The following HDAC1 variants were observed in gnomAD, a reference collection of about 807,000 sequenced individuals.
HDAC1 encodes protein deacetylase HDAC1.
Under a neutral mutation model 65.5 loss-of-function variants are expected in HDAC1, and 18 were observed. That is an observed-to-expected ratio of 0.27 (90% CI 0.19 to 0.41). The LOEUF (loss-of-function observed/expected upper bound fraction) is 0.41, where lower values mean the gene tolerates loss of function less well. Among genes scored for constraint, HDAC1 ranks in the 10% least tolerant of loss-of-function variants. The pLI, the probability that HDAC1 is intolerant of heterozygous loss-of-function variation, is 1.00. For synonymous variants in HDAC1, 211 were observed against 227.9 expected (o/e 0.93, Z 0.67); for missense variants, 373 against 625.2 (o/e 0.60, Z 4.30).
intron 2 of HDAC1, among the ~76,000 whole-genome samples, chr1:32,314,877 T>C (rs1641038692): frequency 6.6e-6 from 1 of 152,130 alleles, no homozygotes; most frequent in Non-Finnish European, 1.5e-5. Context: ...TATTTGATGT[T>C]TGAAGTGTTT....
At chr1:32,297,777 ATTTTTTTTTTTTTTTT>A (rs71571709) in intron 1 of HDAC1, among the ~76,000 whole-genome samples, 3 of 72,154 alleles carry the variant, frequency 4.2e-5, no homozygotes, top group African/African-American at 1.2e-4. Flanking sequence ...CGCCTGGCTA[ATTTTTTTTTTTTTTTT>A]TTTTTTTTTT....
rs1346530306 is a variant in HDAC1 at position 32,329,372 on chromosome 1, T to C, written c.729+212T>C. The C allele has an allele frequency of 5.0e-6, 3 of 599,920 alleles. No homozygotes were observed. Among genetic ancestry groups the C allele is most frequent in the Non-Finnish European group, 8.9e-6 (3 of 336,482 alleles). The allele number at this position is 599,920 out of a possible 1,614,324, so 37.2% of individuals were successfully genotyped here. A position where few individuals can be genotyped will look rare whatever the true frequency, so the allele number is the denominator to read the frequency against. On this transcript the variant is annotated intron_variant, in intron 7 of 13. Transcript: ENST00000373548. This position sits in a 1 kb window ranked among gnomAD's most constrained non-coding sequence, Gnocchi z 4.1. ...TCTATGGGTCAGGTCTTCTGCTGGA[T>C]ACAAAAATATCTAAGACATGATCTT...
At position 32,332,226 on chromosome 1, in the gene HDAC1, C is replaced by T. The variant is rs748966170; in HGVS notation, c.1356C>T (p.Asp452=). 132 of 1,611,664 alleles carry T rather than the reference C, an allele frequency of 8.2e-5. No homozygotes were observed. The highest frequency in any genetic ancestry group is 1.1e-4 in the Non-Finnish European group (128 of 1,179,030). ...AAACAGAGGATGAAAAAGAGAAAGA[C>T]CCAGAGGAGAAGAAAGGTGGGTTTG... is the stretch of plus-strand genomic sequence containing the variant. ...RVKTEDEKEK[D]PEEKKEVTEE... is the part of the protein sequence containing the mutation. Residue 452 remains aspartate, a synonymous_variant, in exon 12 of 14, where the codon GAC becomes GAT. Coordinates refer to ENST00000373548, the MANE Select transcript of HDAC1 (RefSeq NM_004964.3).
Position 32,331,980 on chromosome 1 carries a change from C to T in HDAC1, c.1220-110C>T, listed in dbSNP as rs2148073476. 7.1e-7 allele frequency: 1 copy of T among 1,409,364 alleles called. No individual in the cohort carries two copies. The highest frequency in any genetic ancestry group is 1.5e-5 in the South Asian group (1 of 68,340). The allele number at this position is 1,409,364 out of a possible 1,614,324, so 87.3% of individuals were successfully genotyped here. A position where few individuals can be genotyped will look rare whatever the true frequency, so the allele number is the denominator to read the frequency against. On this transcript the variant is annotated intron_variant, in intron 11 of 13. Coordinates refer to ENST00000373548, the MANE Select transcript of HDAC1 (RefSeq NM_004964.3). The surrounding 1 kb of genome is among the most constrained non-coding windows in gnomAD (Gnocchi z 4.2). ...GCCCGAGTTCCTCCCTCTTCTGGTT[C>T]CCTTTCCCTTGGTGTCTCTTGGAGG...
intron 2 of HDAC1, among the ~76,000 whole-genome samples, chr1:32,309,441 C>T (rs1365711301): frequency 1.3e-5 from 2 of 152,214 alleles, no homozygotes; most frequent in South Asian, 2.1e-4. Flanking sequence ...AATCCCAGCA[C>T]TTTGGGAGGC....
intron 2 of HDAC1, among the ~76,000 whole-genome samples, chr1:32,305,853 GT>G (rs1286986150): frequency 2.0e-5 from 3 of 152,074 alleles, no homozygotes; most frequent in Non-Finnish European, 4.4e-5. Context: ...CAAGTGATCT[GT>G]CCACCTTGGC....
At position 32,330,456 on chromosome 1, in the gene HDAC1, C is replaced by T. The variant is rs1375191542; in HGVS notation, c.730-122C>T. 1 of 737,550 alleles carries T rather than the reference C, an allele frequency of 1.4e-6. No individual in the cohort carries two copies. The highest frequency in any genetic ancestry group is 1.7e-5 in the African/African-American group (1 of 57,964). The allele number at this position is 737,550 out of a possible 1,614,324, so 45.7% of individuals were successfully genotyped here. On this transcript the variant is annotated intron_variant, in intron 7 of 13. Coordinates refer to ENST00000373548, the MANE Select transcript of HDAC1 (RefSeq NM_004964.3). This position sits in a 1 kb window ranked among gnomAD's most constrained non-coding sequence, Gnocchi z 4.2. Reference sequence around the variant, plus strand: ...CAGCCTAGCACTCCCTTTTCTCTCCCACATAGCATGAGGGAGAGTGGAAAG... The same window carrying T: ...CAGCCTAGCACTCCCTTTTCTCTCCTACATAGCATGAGGGAGAGTGGAAAG...
intron 2 of HDAC1, among the ~76,000 whole-genome samples, chr1:32,308,719 C>T (rs1048811685): frequency 2.0e-5 from 3 of 152,048 alleles, no homozygotes; most frequent in Non-Finnish European, 1.5e-5. Context: ...GGGGTTTCCC[C>T]GTGTTAGTCA....
chr1:32,294,348 G>T (rs558809227), intron 1 of HDAC1, among the ~76,000 whole-genome samples: 1 of 151,458 alleles, frequency 6.6e-6, no homozygotes, highest in Non-Finnish European at 1.5e-5. Flanking sequence ...GGGGTTTCAC[G>T]ATGTTGGCCA....
chr1:32,294,370 A>T (rs899247617), intron 1 of HDAC1, among the ~76,000 whole-genome samples: 1 of 151,798 alleles, frequency 6.6e-6, no homozygotes, highest in Non-Finnish European at 1.5e-5. Context: ...GCTGGTCTCA[A>T]ACTGACCTCC....
At chr1:32,322,100 T>C (rs1459596634) in intron 3 of HDAC1, among the ~76,000 whole-genome samples, 2 of 152,168 alleles carry the variant, frequency 1.3e-5, no homozygotes, top group East Asian at 3.9e-4. Flanking sequence ...CTTGAGATTT[T>C]ACCAGCACAA....
At chr1:32,295,439 C>G (rs983848542) in intron 1 of HDAC1, among the ~76,000 whole-genome samples, 4 of 151,848 alleles carry the variant, frequency 2.6e-5, no homozygotes, top group Non-Finnish European at 4.4e-5. Context: ...TCTCATAGTT[C>G]TGGAGGCTGA....
chr1:32,310,597 C>A (rs1374578393), intron 2 of HDAC1, among the ~76,000 whole-genome samples: 1 of 152,080 alleles, frequency 6.6e-6, no homozygotes, highest in Non-Finnish European at 1.5e-5. Context: ...CGCTTGTAGT[C>A]CCAGCACTTT....
chr1:32,317,393 G>A (rs998743296), intron 3 of HDAC1, among the ~76,000 whole-genome samples: 5 of 152,094 alleles, frequency 3.3e-5, no homozygotes, highest in Admixed American at 6.6e-5. Context: ...TCAAATTTGG[G>A]ACAAAACTAT....
rs562144637 is a variant in HDAC1, at chr1:32,318,559, A to T, written c.280+1777A>T. On this transcript the variant is annotated intron_variant, in intron 3 of 13. Transcript: ENST00000373548. ...GCCTGGGCAACAGAGCGAGACCAAA[A>T]AAAAAAAGACATTAGTGCCTATTTC... is the stretch of plus-strand genomic sequence containing the variant. Among the ~76,000 whole-genome samples, 15 of 151,538 alleles carry T rather than the reference A, an allele frequency of 9.9e-5. No homozygotes were observed. The South Asian group carries it at 2.9e-3, about 30-fold the overall frequency.
intron 2 of HDAC1, among the ~76,000 whole-genome samples, chr1:32,313,543 G>A (rs1641019354): frequency 6.6e-6 from 1 of 152,206 alleles, no homozygotes; most frequent in South Asian, 2.1e-4. Context: ...TAAAGTGCCT[G>A]AAAGAGTGAC....
chr1:32,312,266 A>C (rs1303465689), intron 2 of HDAC1, among the ~76,000 whole-genome samples: 2 of 152,180 alleles, frequency 1.3e-5, no homozygotes, highest in East Asian at 3.8e-4. Context: ...GATTCCTTCC[A>C]GTTTACCAGC....
intron 2 of HDAC1, among the ~76,000 whole-genome samples, chr1:32,311,963 A>T (rs1640997642): frequency 6.6e-6 from 1 of 152,198 alleles, no homozygotes; most frequent in African/African-American, 2.4e-5. Context: ...TATAGTAAAA[A>T]AACAACTTGG....
intron 1 of HDAC1, among the ~76,000 whole-genome samples, chr1:32,295,765 ATTTGTTTG>A (rs373092779): frequency 1.1e-4 from 17 of 151,854 alleles, no homozygotes; most frequent in East Asian, 7.7e-4. Flanking sequence ...TAGTTATTTT[ATTTGTTTG>A]TTTGTTTGTT....
Sources: allele counts gnomAD v4.1 joint callset (sites outside exome capture counted in the v4.1 genomes callset), GRCh38; gene constraint gnomAD v4.1.1; non-coding constraint Gnocchi (gnomAD v3.1); transcripts MANE v1.5; gene names NCBI Gene and HGNC (gene_info 2026-07-23, HGNC 2026-07-21).